RSPH6A: variants seen among roughly 807,000 people sequenced by gnomAD.
RSPH6A encodes the protein radial spoke head 6 homolog A, also known as radial spoke head protein 6 homolog A.
A neutral mutation model predicts 66.1 loss-of-function variants in RSPH6A; 49 were observed. That is an observed-to-expected ratio of 0.74 (90% CI 0.59 to 0.94). The LOEUF (loss-of-function observed/expected upper bound fraction) is 0.94, where lower values mean the gene tolerates loss of function less well. Ranked by LOEUF, RSPH6A falls within the 40% of genes least tolerant of loss-of-function variation. The pLI, the probability that RSPH6A is intolerant of heterozygous loss-of-function variation, is 0.00. For missense variants in RSPH6A, 977 were observed against 948.3 expected (o/e 1.03, Z -0.40); for synonymous variants, 419 against 402.4 (o/e 1.04, Z -0.49).
Position 45,802,257 on chromosome 19 carries a change from C to CAGAAGACTAATTTTGTACTTAGTCTT in RSPH6A, c.1660_1661insAAGACTAAGTACAAAATTAGTCTTCT (p.Cys554Ter). 7.0e-7 allele frequency: 1 copy of CAGAAGACTAATTTTGTACTTAGTCTT among 1,425,188 alleles called. No homozygotes were observed. Among genetic ancestry groups the CAGAAGACTAATTTTGTACTTAGTCTT allele is most frequent in the East Asian group, 2.8e-5 (1 of 35,710 alleles). The allele number at this position is 1,425,188 out of a possible 1,614,324, so 88.3% of individuals were successfully genotyped here. ...CTTCTGCAAAGGGTTCACCCAAGTGCAGCGGCCCTGGGGGTGGGGGGAAGC... is the reference window on the plus strand; with the variant it reads ...CTTCTGCAAAGGGTTCACCCAAGTGCAGAAGACTAATTTTGTACTTAGTCTTAGCGGCCCTGGGGGTGGGGGGAAGC... On this transcript the variant is annotated stop_gained and frameshift_variant, in exon 4 of 6. Coordinates refer to ENST00000221538, the MANE Select transcript of RSPH6A (RefSeq NM_030785.4). LOFTEE classifies it high-confidence loss of function.
At chr19:45,802,659 C>T (rs756085541) in intron 3 of RSPH6A, among the ~76,000 whole-genome samples, 29 of 151,562 alleles carry the variant, frequency 1.9e-4, no homozygotes, top group Non-Finnish European at 3.1e-4. Flanking sequence ...GTGCCTGACA[C>T]CACGCCTGGC....
chr19:45,812,840 G>A (rs189346663), intron 1 of RSPH6A, among the ~76,000 whole-genome samples: 18 of 151,942 alleles, frequency 1.2e-4, no homozygotes, highest in African/African-American at 4.1e-4. Flanking sequence ...GATCACAGGC[G>A]TGTGCCACCA....
chr19:45,801,740 A>T lies in RSPH6A; in HGVS notation c.1798+380T>A, dbSNP rs557177763. Among the ~76,000 whole-genome samples the T allele has an allele frequency of 2.6e-5, 4 of 152,208 alleles. No homozygotes were observed. In the East Asian group the frequency reaches 7.7e-4, roughly 29 times the overall value. ...GCACCACTACACCCTAGCCTGGGTG[A>T]CAGAGCTGGACTCCATCTCAAAACA... On this transcript the variant is annotated intron_variant, in intron 4 of 5. Transcript: ENST00000221538.
intron 5 of RSPH6A, among the ~76,000 whole-genome samples, chr19:45,797,361 A>G (rs1470371495): frequency 6.6e-6 from 1 of 151,074 alleles, no homozygotes; most frequent in African/African-American, 2.4e-5. Flanking sequence ...AGCCTGGGTG[A>G]CAGAGTGAGA....
Position 45,802,280 on chromosome 19 carries a change from A to ACCCCC in RSPH6A, c.1654-17_1654-16insGGGGG. 7.4e-7 allele frequency: 1 copy of ACCCCC among 1,355,368 alleles called. No homozygotes were observed. Among genetic ancestry groups the ACCCCC allele is most frequent in the South Asian group, 2.0e-5 (1 of 49,680 alleles). The allele number at this position is 1,355,368 out of a possible 1,614,324, so 84.0% of individuals were successfully genotyped here. A position where few individuals can be genotyped will look rare whatever the true frequency, so the allele number is the denominator to read the frequency against. ...TGCAGCGGCCCTGGGGGTGGGGGGA[A>ACCCCC]GCTCAGGTGATGGCCCCAGTGCACG... On this transcript the variant is annotated splice_polypyrimidine_tract_variant and intron_variant, in intron 3 of 5. Transcript: ENST00000221538.
At chr19:45,800,782 T>TCC (rs1970463489) in intron 4 of RSPH6A, among the ~76,000 whole-genome samples, 1 of 141,954 alleles carries the variant, frequency 7.0e-6, no homozygotes, top group Admixed American at 7.1e-5. Flanking sequence ...ACACTCTCTC[T>TCC]CTCTCTCTCG....
intron 5 of RSPH6A, among the ~76,000 whole-genome samples, chr19:45,798,153 G>C (rs1218761168): frequency 2.0e-5 from 3 of 151,870 alleles, no homozygotes. Context: ...CTGGTCAGGA[G>C]TTCGAGACCA....
intron 2 of RSPH6A, among the ~76,000 whole-genome samples, chr19:45,805,951 A>C (rs1427791918): frequency 3.3e-5 from 5 of 152,224 alleles, no homozygotes; most frequent in African/African-American, 4.8e-5. Flanking sequence ...TGGGAGACAA[A>C]GTACTACACC....
intron 2 of RSPH6A, among the ~76,000 whole-genome samples, chr19:45,807,309 G>T (rs1301045606): frequency 1.3e-5 from 2 of 151,474 alleles, no homozygotes; most frequent in African/African-American, 4.9e-5. Flanking sequence ...TCCGCCTCCC[G>T]GGTTCACGCC....
Position 45,804,706 on chromosome 19 carries a change from A to G in RSPH6A, c.1199T>C (p.Val400Ala), listed in dbSNP as rs777585850. ...EEGEEDEEKA[V>A]DIVPKSVWKP... is the part of the protein sequence containing the mutation. The stretch of plus-strand genomic sequence containing the variant: ...CCATACGGACTTAGGGACGATGTCC[A>G]CGGCCTTCTCCTCGTCCTCCTCGCC... Residue 400 changes from valine (V) to alanine (A), a missense_variant, in exon 3 of 6, where the codon GTG (valine) becomes GCG (alanine). Coordinates refer to ENST00000221538, the MANE Select transcript of RSPH6A (RefSeq NM_030785.4). This position sits in a 1 kb window ranked among gnomAD's most constrained non-coding sequence, Gnocchi z 5.8. The G allele has an allele frequency of 6.2e-7, 1 of 1,612,632 alleles. No homozygotes were observed. Among genetic ancestry groups the G allele is most frequent in the Non-Finnish European group, 8.5e-7 (1 of 1,179,820 alleles).
intron 4 of RSPH6A, among the ~76,000 whole-genome samples, chr19:45,801,792 AC>A (rs1555791247): frequency 4.9e-4 from 45 of 91,904 alleles, no homozygotes; most frequent in Non-Finnish European, 3.5e-4. Flanking sequence ...CACCACCACC[AC>A]CACACACACA....
At chr19:45,805,569 G>A (rs550249249) in intron 2 of RSPH6A, among the ~76,000 whole-genome samples, 122 of 152,276 alleles carry the variant, frequency 8.0e-4, no homozygotes, top group African/African-American at 2.9e-3. Context: ...GCAGGCACCT[G>A]TAATCCTAGC....
At chr19:45,808,435 G>C in intron 2 of RSPH6A, among the ~76,000 whole-genome samples, 1 of 146,128 alleles carries the variant, frequency 6.8e-6, no homozygotes, top group Non-Finnish European at 1.5e-5. Flanking sequence ...TCAAAAACAA[G>C]AACAAAAATT....
Position 45,804,379 on chromosome 19 carries a change from T to C in RSPH6A, c.1526A>G (p.Glu509Gly). 4 of 1,614,186 alleles carry C rather than the reference T, an allele frequency of 2.5e-6. No homozygotes were observed. Among genetic ancestry groups the C allele is most frequent in the Non-Finnish European group, 2.5e-6 (3 of 1,180,024 alleles). Residue 509 changes from glutamate (E) to glycine (G), a missense_variant, in exon 3 of 6, where the codon GAG becomes GGG. By Grantham distance (98) the Glu-to-Gly change is moderately conservative. Transcript: ENST00000221538. The surrounding 1 kb of genome is among the most constrained non-coding windows in gnomAD (Gnocchi z 5.8). ...GCGCCCAGCACCACCTTCCTCCTCC[T>C]CGTCGCCCTCCTCCTCACTAAACTG... is the stretch of plus-strand genomic sequence containing the variant. ...FYQFSEEEGD[E>G]EEEGGAGRDS... is the part of the protein sequence containing the mutation.
Position 45,804,129 on chromosome 19 carries a change from G to T in RSPH6A, c.1653+123C>A. On this transcript the variant is annotated intron_variant, in intron 3 of 5. Coordinates refer to ENST00000221538, the MANE Select transcript of RSPH6A (RefSeq NM_030785.4). The surrounding 1 kb of genome is among the most constrained non-coding windows in gnomAD (Gnocchi z 5.8). Reference sequence around the variant, plus strand: ...TATCTGTTGAACCAATGAATGGATGGATGAATGAACGAATGAATATTAGTT... The same window carrying T: ...TATCTGTTGAACCAATGAATGGATGTATGAATGAACGAATGAATATTAGTT... The T allele has an allele frequency of 1.3e-6, 1 of 749,438 alleles. No individual in the cohort carries two copies. The highest frequency in any genetic ancestry group is 2.1e-6 in the Non-Finnish European group (1 of 472,580). 46.4% of individuals were successfully genotyped at this position (749,438 alleles called of 1,614,324 possible).
intron 5 of RSPH6A, 74 bp downstream of exon 5, chr19:45,800,372 A>T: frequency 7.4e-7 from 1 of 1,353,026 alleles, no homozygotes; most frequent in Non-Finnish European, 1.0e-6. Context: ...CACCCTGGCG[A>T]GTTGCCCAGC....
intron 1 of RSPH6A, among the ~76,000 whole-genome samples, chr19:45,811,367 T>C (rs2146289508): frequency 6.6e-6 from 1 of 152,072 alleles, no homozygotes; most frequent in African/African-American, 2.4e-5. Context: ...GGGTGGTAAT[T>C]TTTAGGGTGA....
intron 4 of RSPH6A, 57 bp downstream of exon 4, chr19:45,802,063 C>G: frequency 7.5e-7 from 1 of 1,341,366 alleles, no homozygotes; most frequent in Non-Finnish European, 9.7e-7. Context: ...AGCCACCCCT[C>G]CCTTTCTTCC....
intron 2 of RSPH6A, among the ~76,000 whole-genome samples, chr19:45,806,846 C>T (rs1056498438): frequency 9.9e-5 from 15 of 151,852 alleles, no homozygotes; most frequent in Non-Finnish European, 2.1e-4. Flanking sequence ...CAAGGCTGTC[C>T]CCAACACTTT....
Sources: gnomAD v4.1 joint callset for allele counts (sites outside exome capture counted in the v4.1 genomes callset) on GRCh38, gnomAD v4.1.1 for gene constraint, Gnocchi (gnomAD v3.1) non-coding constraint, MANE v1.5 for transcripts, NCBI Gene and HGNC (gene_info 2026-07-23, HGNC 2026-07-21) for gene names.